Variants in DAP3 observed in about 807,000 individuals in gnomAD.
DAP3 encodes the protein small ribosomal subunit protein mS29.
In DAP3, 28 loss-of-function variants were observed where a neutral mutation model predicts 51.9. The ratio of observed to expected loss-of-function variants is 0.54; its 90% CI spans 0.40 to 0.74. The LOEUF (loss-of-function observed/expected upper bound fraction) is 0.74, where lower values mean the gene tolerates loss of function less well. DAP3 is among the 30% of genes least tolerant of loss of function. The pLI, the probability that DAP3 is intolerant of heterozygous loss-of-function variation, is 0.00. For missense variants in DAP3, 458 were observed against 483.5 expected (o/e 0.95, Z 0.49); for synonymous variants, 170 against 170.3 (o/e 1.00, Z 0.01).
chr1:155,717,004 A>AGTT lies in DAP3; in HGVS notation c.46_48dup. The AGTT allele has an allele frequency of 6.2e-7, 1 of 1,613,274 alleles. No individual in the cohort carries two copies. On this transcript the variant is annotated splice_acceptor_variant, in intron 2 of 12. Transcript: ENST00000368336. LOFTEE classifies it high-confidence loss of function. ...GTAACACTGAAATGGTTTCTCTTAT[A>AGTT]GTTGGACCCTGGGCGTTTTTTACAC... is the stretch of plus-strand genomic sequence containing the variant.
chr1:155,738,024 G>A (rs896230689), intron 12 of DAP3, 133 bp from the exon 13 acceptor site: 4 of 807,768 alleles, frequency 5.0e-6, no homozygotes, highest in Non-Finnish European at 7.9e-6. Context: ...GGGTCTAGAA[G>A]TAAGATCTCT....
At chr1:155,731,656 G>A (rs1177487274) in intron 10 of DAP3, 1 of 530,178 alleles carries the variant, frequency 1.9e-6, no homozygotes, top group East Asian at 3.2e-5. Context: ...TTAAATATTG[G>A]CCTAATTTTA....
chr1:155,692,143 G>A (rs1211318422), intron 1 of DAP3, among the ~76,000 whole-genome samples: 2 of 141,648 alleles, frequency 1.4e-5, no homozygotes, highest in Non-Finnish European at 1.5e-5. Context: ...GGTGGGAGTG[G>A]GCTTAACTAG....
intron 3 of DAP3, 130 bp downstream of exon 3, chr1:155,717,258 A>G: frequency 7.1e-7 from 1 of 1,402,350 alleles, no homozygotes; most frequent in Non-Finnish European, 9.6e-7. Context: ...TGCACCTGAG[A>G]TAGCACTCTG....
At chr1:155,697,454 A>G (rs1441496277) in intron 1 of DAP3, among the ~76,000 whole-genome samples, 1 of 152,158 alleles carries the variant, frequency 6.6e-6, no homozygotes, top group Non-Finnish European at 1.5e-5. Flanking sequence ...ATAAAGAGAA[A>G]GAGTGCAAAA....
rs781494315 is a variant in DAP3, at chr1:155,725,510, T to C, written c.379+20T>C. ...TTCTGTGTATCCTTTCCTGCCTGCG[T>C]GGACCCTCATGAACCAATGCTTTCT... On this transcript the variant is annotated intron_variant, in intron 5 of 12. Coordinates refer to ENST00000368336, the MANE Select transcript of DAP3 (RefSeq NM_004632.4). The C allele has an allele frequency of 6.3e-7, 1 of 1,591,114 alleles. No homozygotes were observed. The highest frequency in any genetic ancestry group is 1.1e-5 in the South Asian group (1 of 90,648).
At chr1:155,700,679 G>A (rs555296392) in intron 1 of DAP3, among the ~76,000 whole-genome samples, 147 of 136,394 alleles carry the variant, frequency 1.1e-3, no homozygotes, top group African/African-American at 3.8e-3. Context: ...CAGCCACCCC[G>A]TCCGGGAGGG....
chr1:155,704,328 G>A (rs1326096544), intron 1 of DAP3, among the ~76,000 whole-genome samples: 8 of 152,232 alleles, frequency 5.3e-5, no homozygotes, highest in Non-Finnish European at 1.2e-4. Context: ...TATAACATAG[G>A]CAAAATAATA....
rs371524724 is a variant in DAP3 at position 155,722,140 on chromosome 1, C to T, written c.270+522C>T. On this transcript the variant is annotated intron_variant, in intron 4 of 12. Transcript: ENST00000368336. ...ATAACAGGCCGGGCGCTATGGCTCA[C>T]GCCTGTAATCCCAGCTGCACTTTGG... is the stretch of plus-strand genomic sequence containing the variant. Among the ~76,000 whole-genome samples, 14 of 152,236 alleles carry T rather than the reference C, an allele frequency of 9.2e-5. No individual in the cohort carries two copies. The South Asian group carries it at 1.0e-3, about 11-fold the overall frequency.
intron 3 of DAP3, among the ~76,000 whole-genome samples, chr1:155,718,987 C>T (rs1657673909): frequency 6.6e-6 from 1 of 152,154 alleles, no homozygotes; most frequent in Non-Finnish European, 1.5e-5. Flanking sequence ...CAAGAATTGT[C>T]TTTGCTACCC....
intron 1 of DAP3, among the ~76,000 whole-genome samples, chr1:155,691,422 C>T (rs1653807032): frequency 7.0e-6 from 1 of 142,236 alleles, no homozygotes; most frequent in Non-Finnish European, 1.5e-5. Flanking sequence ...TGTAATGCAT[C>T]AGAACTTTGT....
rs764526007 is a variant in DAP3 at position 155,737,066 on chromosome 1, C to T, written c.1111+3C>T. On this transcript the variant is annotated splice_donor_region_variant and intron_variant, in intron 12 of 12. Transcript: ENST00000368336. ...CAATTGGCTTCAACATGAGAAAGGTCCATCATTTAGTTTTTTCCTATCAGG... is the reference window on the plus strand; with the variant it reads ...CAATTGGCTTCAACATGAGAAAGGTTCATCATTTAGTTTTTTCCTATCAGG... 6.2e-7 allele frequency: 1 copy of T among 1,601,814 alleles called. No homozygotes were observed. The highest frequency in any genetic ancestry group is 2.2e-5 in the East Asian group (1 of 44,824).
chr1:155,721,825 A>G (rs1422157378), intron 4 of DAP3: 2 of 541,868 alleles, frequency 3.7e-6, no homozygotes, highest in Admixed American at 3.1e-5. Flanking sequence ...TGTATAGCCC[A>G]AGAAGATTCC....
intron 1 of DAP3, among the ~76,000 whole-genome samples, chr1:155,692,527 C>T (rs961088663): frequency 7.0e-6 from 1 of 142,206 alleles, no homozygotes; most frequent in South Asian, 2.1e-4. Flanking sequence ...AGTTGATTCT[C>T]TAACGGTCTT....
chr1:155,717,223 A>C (rs1657447313), intron 3 of DAP3, 95 bp downstream of exon 3: 5 of 1,557,552 alleles, frequency 3.2e-6, no homozygotes, highest in African/African-American at 1.4e-5. Context: ...AAAGAAGCTT[A>C]GTAGATTTGC....
intron 1 of DAP3, among the ~76,000 whole-genome samples, chr1:155,698,742 T>C (rs1055131038): frequency 6.6e-6 from 1 of 152,236 alleles, no homozygotes; most frequent in Non-Finnish European, 1.5e-5. Flanking sequence ...CATAAGATTT[T>C]TTGTATCAAC....
chr1:155,713,902 C>T (rs1657016110), intron 2 of DAP3, among the ~76,000 whole-genome samples: 1 of 152,124 alleles, frequency 6.6e-6, no homozygotes, highest in Non-Finnish European at 1.5e-5. Flanking sequence ...GAGTACAACT[C>T]AAGGCAGTGT....
chr1:155,709,308 G>A (rs1357288824), intron 1 of DAP3, among the ~76,000 whole-genome samples: 1 of 152,082 alleles, frequency 6.6e-6, no homozygotes, highest in Non-Finnish European at 1.5e-5. Context: ...ACCATGCCCT[G>A]CTAATTTTTA....
intron 1 of DAP3, among the ~76,000 whole-genome samples, chr1:155,703,573 TGTCGCCC>T (rs1655578530): frequency 1.3e-5 from 2 of 152,234 alleles, no homozygotes; most frequent in Non-Finnish European, 2.9e-5. Context: ...GGTCTTGCTC[TGTCGCCC>T]AGACTGGAGT....
Sources: allele counts gnomAD v4.1 joint callset (sites outside exome capture counted in the v4.1 genomes callset), GRCh38; gene constraint gnomAD v4.1.1; transcripts MANE v1.5; gene names NCBI Gene and HGNC (gene_info 2026-07-23, HGNC 2026-07-21).